The following PRELID2 variants were observed in gnomAD, a reference collection of about 807,000 sequenced individuals.
PRELID2 encodes PRELI domain-containing protein 2.
Under a neutral mutation model 28.4 loss-of-function variants are expected in PRELID2, and 25 were observed. The observed-to-expected ratio is 0.88, with a 90% CI of 0.64 to 1.23. The LOEUF (loss-of-function observed/expected upper bound fraction) is 1.23, where lower values mean the gene tolerates loss of function less well. PRELID2 is among the 50% of genes most tolerant of loss of function. PRELID2 has a pLI of 0.00. For missense variants in PRELID2, 201 were observed against 214.4 expected (o/e 0.94, Z 0.39); for synonymous variants, 76 against 71.6 (o/e 1.06, Z -0.31).
intron 1 of PRELID2, among the ~76,000 whole-genome samples, chr5:145,528,141 G>T (rs1752624666): frequency 6.6e-6 from 1 of 152,054 alleles, no homozygotes; most frequent in African/African-American, 2.4e-5. Context: ...CATTGTTAAG[G>T]TCAAATGTTC....
chr5:145,631,812 T>G (rs1753936551), intron 1 of PRELID2, among the ~76,000 whole-genome samples: 1 of 152,200 alleles, frequency 6.6e-6, no homozygotes, highest in African/African-American at 2.4e-5. Context: ...TACATATTCA[T>G]TTATTTGTAG....
intron 1 of PRELID2, among the ~76,000 whole-genome samples, chr5:145,604,747 G>GGTTTTTTTTTTTT (rs1753471969): frequency 1.0e-5 from 1 of 96,028 alleles, no homozygotes; most frequent in Non-Finnish European, 1.9e-5. Context: ...TGTTTTTTTT[G>GGTTTTTTTTTTTT]GTTTTTTTTT....
intron 5 of PRELID2, among the ~76,000 whole-genome samples, chr5:145,782,640 C>T (rs1260987148): frequency 6.6e-6 from 1 of 152,198 alleles, no homozygotes; most frequent in Non-Finnish European, 1.5e-5. Context: ...AACAACCCTA[C>T]CACATGCTTA....
chr5:145,663,254 T>C (rs773619819), intron 1 of PRELID2, among the ~76,000 whole-genome samples: 4 of 152,110 alleles, frequency 2.6e-5, no homozygotes, highest in Non-Finnish European at 5.9e-5. Context: ...TGACAGACAT[T>C]ACTATTGATC....
intron 1 of PRELID2, among the ~76,000 whole-genome samples, chr5:145,621,177 G>GA (rs1753768941): frequency 6.6e-6 from 1 of 152,126 alleles, no homozygotes; most frequent in African/African-American, 2.4e-5. Flanking sequence ...AGAAGCACAT[G>GA]AAAAATTGTT....
At chr5:145,705,453 C>T (rs377712880) in intron 1 of PRELID2, among the ~76,000 whole-genome samples, 2 of 152,062 alleles carry the variant, frequency 1.3e-5, no homozygotes, top group Non-Finnish European at 2.9e-5. Flanking sequence ...TTGCCCGCCT[C>T]GCCTCCAAAA....
chr5:145,653,342 A>G (rs1356682253), intron 1 of PRELID2, among the ~76,000 whole-genome samples: 1 of 152,114 alleles, frequency 6.6e-6, no homozygotes, highest in Non-Finnish European at 1.5e-5. Flanking sequence ...ACAGATCAAC[A>G]AGACAGAAAA....
At chr5:145,712,622 T>C (rs970928813) in intron 1 of PRELID2, among the ~76,000 whole-genome samples, 1 of 152,174 alleles carries the variant, frequency 6.6e-6, no homozygotes, top group African/African-American at 2.4e-5. Flanking sequence ...ATATATAATA[T>C]CCAGCATACA....
chr5:145,237,280 A>C, the PRELID2 span, among the ~76,000 whole-genome samples: 1 of 152,172 alleles, frequency 6.6e-6, no homozygotes, highest in Non-Finnish European at 1.5e-5. Flanking sequence ...TTACTGCAGC[A>C]AATCTGCATA....
chr5:145,615,327 G>GTT (rs141780236), intron 1 of PRELID2, among the ~76,000 whole-genome samples: 5 of 68,912 alleles, frequency 7.3e-5, no homozygotes, highest in African/African-American at 2.0e-4. Context: ...TCTTTTTTTT[G>GTT]TTTTTTTTTT....
At chr5:145,772,545 G>A (rs1444642990) in intron 5 of PRELID2, among the ~76,000 whole-genome samples, 2 of 152,174 alleles carry the variant, frequency 1.3e-5, no homozygotes, top group Non-Finnish European at 2.9e-5. Flanking sequence ...ATGGCAGAAG[G>A]CACCACTTGG....
At chr5:145,616,577 A>C (rs2149648824) in intron 1 of PRELID2, among the ~76,000 whole-genome samples, 1 of 152,318 alleles carries the variant, frequency 6.6e-6, no homozygotes, top group South Asian at 2.1e-4. Flanking sequence ...ATGCCCCCCA[A>C]GCCGTAAAAC....
the PRELID2 span, among the ~76,000 whole-genome samples, chr5:145,237,358 A>T: frequency 5.9e-5 from 9 of 152,228 alleles, no homozygotes; most frequent in East Asian, 1.7e-3. Flanking sequence ...AGCAAAACAA[A>T]ACAAACAAAA....
chr5:145,279,240 T>C, the PRELID2 span, among the ~76,000 whole-genome samples: 4 of 152,178 alleles, frequency 2.6e-5, no homozygotes, highest in African/African-American at 9.6e-5. Context: ...AATAAATTCT[T>C]TCCTCCATTC....
chr5:145,229,778 A>G, the PRELID2 span: 1 of 755,566 alleles, frequency 1.3e-6, no homozygotes, highest in Non-Finnish European at 2.4e-6. Flanking sequence ...CTGAGCTGAT[A>G]TACACCAGTT....
At chr5:145,774,083 C>T (rs908851235) in intron 5 of PRELID2, among the ~76,000 whole-genome samples, 3 of 152,188 alleles carry the variant, frequency 2.0e-5, no homozygotes, top group African/African-American at 7.2e-5. Context: ...CAGTCAAAAA[C>T]CAATCTCACC....
the PRELID2 span, among the ~76,000 whole-genome samples, chr5:145,339,883 T>A: frequency 6.6e-6 from 1 of 152,092 alleles, no homozygotes; most frequent in African/African-American, 2.4e-5. Context: ...CACAGGGTCA[T>A]AAAGGAAGAG....
At chr5:145,478,631 T>C (rs1752129184) in intron 1 of PRELID2, among the ~76,000 whole-genome samples, 1 of 152,202 alleles carries the variant, frequency 6.6e-6, no homozygotes, top group African/African-American at 2.4e-5. Flanking sequence ...TGATAGTTTC[T>C]GGGACATTTG....
At chr5:145,433,353 C>T in the PRELID2 span, among the ~76,000 whole-genome samples, 1 of 152,242 alleles carries the variant, frequency 6.6e-6, no homozygotes, top group Middle Eastern at 3.4e-3. Context: ...TCAAAATTCA[C>T]CTTTGCTACC....
Sources: allele counts gnomAD v4.1 joint callset (sites outside exome capture counted in the v4.1 genomes callset), GRCh38; gene constraint gnomAD v4.1.1; transcripts MANE v1.5; gene names NCBI Gene and HGNC (gene_info 2026-07-23, HGNC 2026-07-21).